Variants in ARHGAP8 observed in about 807,000 individuals in gnomAD.
ARHGAP8 encodes rho GTPase-activating protein 8.
Under a neutral mutation model 46.1 loss-of-function variants are expected in ARHGAP8, and 62 were observed. The ratio of observed to expected loss-of-function variants is 1.34; its 90% confidence interval spans 1.10 to 1.66. The LOEUF is 1.66. Among genes scored for constraint, ARHGAP8 ranks in the 40% most tolerant of loss-of-function variants. The pLI, the probability that ARHGAP8 is intolerant of heterozygous loss-of-function variation, is 0.00. For synonymous variants in ARHGAP8, 375 were observed against 243.1 expected (o/e 1.54, Z -5.05); for missense variants, 923 against 568.4 (o/e 1.62, Z -6.34).
At chr22:44,859,310 TAGTG>T (rs371200076) in intron 10 of ARHGAP8, among the ~76,000 whole-genome samples, 99 of 152,146 alleles carry the variant, frequency 6.5e-4, no homozygotes, top group African/African-American at 1.5e-3. Flanking sequence ...GTCCTCGAGA[TAGTG>T]AGTTCTTACC....
At chr22:44,852,800 TTTTG>T (rs774366081) in intron 10 of ARHGAP8, among the ~76,000 whole-genome samples, 26 of 152,148 alleles carry the variant, frequency 1.7e-4, no homozygotes, top group Non-Finnish European at 2.6e-4. Flanking sequence ...TTATTTTGTT[TTTTG>T]TTTGTTTGTT....
rs553964462 is a variant in ARHGAP8, at chr22:44,858,056, C to T, written c.878-1675C>T. Among the ~76,000 whole-genome samples, 783 of 152,324 alleles carry T rather than the reference C, an allele frequency of 5.1e-3. 1 individual carries two copies. Among genetic ancestry groups the T allele is most frequent in the Non-Finnish European group, 6.7e-3 (454 of 68,026 alleles). On this transcript the variant is annotated intron_variant, in intron 10 of 11. Transcript: ENST00000356099. ...GCAGCCACCTGGCTCGGTTGAAATA[C>T]TCATTTCAAGGGAATTCCTTGTCCA...
At chr22:44,778,099 T>A (rs1926558462) in intron 1 of ARHGAP8, among the ~76,000 whole-genome samples, 3 of 151,980 alleles carry the variant, frequency 2.0e-5, no homozygotes, top group Non-Finnish European at 4.4e-5. Context: ...TTCTTTAGTG[T>A]TGATTTGTGA....
At chr22:44,820,170 C>T (rs943014869) in intron 5 of ARHGAP8, among the ~76,000 whole-genome samples, 1 of 152,262 alleles carries the variant, frequency 6.6e-6, no homozygotes, top group African/African-American at 2.4e-5. Context: ...CTGCCGCACG[C>T]CGTGTTGGGA....
At position 44,860,059 on chromosome 22, in the gene ARHGAP8, C is replaced by T. The variant is rs1489097177; in HGVS notation, c.981+225C>T. Among the ~76,000 whole-genome samples the T allele has an allele frequency of 3.9e-5, 6 of 151,922 alleles. No individual in the cohort carries two copies. The South Asian group carries it at 8.3e-4, about 21-fold the overall frequency. On this transcript the variant is annotated intron_variant, in intron 11 of 11. Coordinates refer to ENST00000356099, the MANE Select transcript of ARHGAP8 (RefSeq NM_181335.3). ...GACAGGGCGTACCTGCCCCTGCCTG[C>T]TCCTGTACCTGCTGTCCCTCAGCCA...
At chr22:44,755,868 AC>A (rs1284004834) in intron 1 of ARHGAP8, among the ~76,000 whole-genome samples, 1 of 152,010 alleles carries the variant, frequency 6.6e-6, no homozygotes, top group African/African-American at 2.4e-5. Context: ...CTCTCTCTTG[AC>A]CTGGAGTCAG....
intron 10 of ARHGAP8, among the ~76,000 whole-genome samples, chr22:44,857,524 C>G (rs980379344): frequency 6.6e-6 from 1 of 152,164 alleles, no homozygotes; most frequent in Non-Finnish European, 1.5e-5. Flanking sequence ...GCCCAGAGAT[C>G]CAGTCCACTG....
At chr22:44,848,822 TCAGGTGCGTCCCATCCGGA>T in intron 9 of ARHGAP8, 91 bp from the exon 10 acceptor site, 1 of 1,548,608 alleles carries the variant, frequency 6.5e-7, no homozygotes, top group Middle Eastern at 1.8e-4. Context: ...GGCTCCAGCA[TCAGGTGCGTCCCATCCGGA>T]CATCTCACGC....
chr22:44,775,964 C>T lies in ARHGAP8; in HGVS notation c.-71-10493C>T, dbSNP rs573936141. On this transcript the variant is annotated intron_variant, in intron 1 of 11. Transcript: ENST00000356099. Reference sequence around the variant, plus strand: ...ACTCGAGCTTTGCCTCATTCAGAAACCAGTAGCCTTCCTGATTCTGGTCAC... The same window carrying T: ...ACTCGAGCTTTGCCTCATTCAGAAATCAGTAGCCTTCCTGATTCTGGTCAC... 3.3e-5 allele frequency among the ~76,000 whole-genome samples: 5 copies of T among 152,262 alleles called. No homozygotes were observed. The South Asian group carries it at 1.0e-3, about 32-fold the overall frequency.
At chr22:44,774,276 G>A (rs750259745) in intron 1 of ARHGAP8, among the ~76,000 whole-genome samples, 49 of 152,292 alleles carry the variant, frequency 3.2e-4, no homozygotes, top group Middle Eastern at 3.4e-3. Flanking sequence ...AAGGAAGAAC[G>A]TTTTAGCAGT....
intron 3 of ARHGAP8, among the ~76,000 whole-genome samples, chr22:44,804,346 C>T (rs909127914): frequency 1.3e-5 from 2 of 151,798 alleles, no homozygotes; most frequent in Admixed American, 6.6e-5. Flanking sequence ...GGCAAAATAG[C>T]GAGAGCAGCA....
At chr22:44,859,350 CCT>C (rs56336600) in intron 10 of ARHGAP8, among the ~76,000 whole-genome samples, 17,038 of 152,118 alleles carry the variant, frequency 0.11, 1,037 homozygotes, top group African/African-American at 0.15. Context: ...GCATGTGGCA[CCT>C]CTGTCCCACT....
At chr22:44,821,914 T>TAGAG (rs56125710) in intron 5 of ARHGAP8, among the ~76,000 whole-genome samples, 30,717 of 151,824 alleles carry the variant, frequency 0.2, 4,008 homozygotes, top group East Asian at 0.7. Flanking sequence ...TTCCTCTCCT[T>TAGAG]AGAAGAGGTG....
rs765855179 is a variant in ARHGAP8 at position 44,825,606 on chromosome 22, G to T, written c.596+13G>T. The T allele has an allele frequency of 8.7e-6, 14 of 1,608,716 alleles. No homozygotes were observed. Among genetic ancestry groups the T allele is most frequent in the Non-Finnish European group, 7.6e-6 (9 of 1,177,458 alleles). On this transcript the variant is annotated intron_variant, in intron 7 of 11. Coordinates refer to ENST00000356099, the MANE Select transcript of ARHGAP8 (RefSeq NM_181335.3). Reference sequence around the variant, plus strand: ...TCAGTCTGCAATAGTAAGTGAGCCGGGGATGTGCCTGCTCCTATGCCCTGG... The same window carrying T: ...TCAGTCTGCAATAGTAAGTGAGCCGTGGATGTGCCTGCTCCTATGCCCTGG...
At chr22:44,797,358 C>T (rs1602189084) in intron 2 of ARHGAP8, among the ~76,000 whole-genome samples, 2 of 151,958 alleles carry the variant, frequency 1.3e-5, no homozygotes, top group East Asian at 1.9e-4. Context: ...TGTTATTCCA[C>T]AGGAGGAGGG....
At chr22:44,768,313 T>C (rs6007279) in intron 1 of ARHGAP8, among the ~76,000 whole-genome samples, 2 of 151,570 alleles carry the variant, frequency 1.3e-5, no homozygotes, top group Non-Finnish European at 2.9e-5. Flanking sequence ...TTTTTTGTTG[T>C]TTTTGAGACA....
chr22:44,805,480 AG>A (rs1251341030), intron 3 of ARHGAP8, among the ~76,000 whole-genome samples: 2 of 152,238 alleles, frequency 1.3e-5, no homozygotes, highest in Non-Finnish European at 2.9e-5. Flanking sequence ...TTGGACAAAA[AG>A]CACCCCTGAC....
intron 1 of ARHGAP8, chr22:44,765,775 C>T (rs180752255): frequency 6.6e-6 from 1 of 152,510 alleles, no homozygotes; most frequent in East Asian, 1.9e-4. Flanking sequence ...GTTCTCAGCT[C>T]GCCAGGCGGC....
Position 44,859,735 on chromosome 22 carries a change from G to C in ARHGAP8, c.882G>C (p.Val294=). The C allele has an allele frequency of 6.2e-7, 1 of 1,613,598 alleles. No homozygotes were observed. Among genetic ancestry groups the C allele is most frequent in the Non-Finnish European group, 8.5e-7 (1 of 1,180,016 alleles). ...GGGAGCCCCATGCCCTTCCAGGTGT[G>C]GAGAGCAGCCTGCGTGTCACTGGCT... ...AYEQILGITC[V]ESSLRVTGCR... is the part of the protein sequence containing the mutation. Residue 294 remains valine (V), a synonymous_variant, in exon 11 of 12, where the codon GTG becomes GTC. Transcript: ENST00000356099.
Sources: gnomAD v4.1 joint callset for allele counts (sites outside exome capture counted in the v4.1 genomes callset) on GRCh38, gnomAD v4.1.1 for gene constraint, MANE v1.5 for transcripts, NCBI Gene and HGNC (gene_info 2026-07-23, HGNC 2026-07-21) for gene names.